Variants in ARHGAP25 observed in about 807,000 individuals in gnomAD.
ARHGAP25 encodes the protein rho GTPase-activating protein 25.
A neutral mutation model predicts 71.0 loss-of-function variants in ARHGAP25; 34 were observed. The ratio of observed to expected loss-of-function variants is 0.48; its 90% CI spans 0.36 to 0.64. The LOEUF is 0.64. ARHGAP25 is among the 30% of genes least tolerant of loss of function. ARHGAP25 has a pLI of 0.00. For synonymous variants in ARHGAP25, 282 were observed against 296.5 expected (o/e 0.95, Z 0.50); for missense variants, 706 against 805.1 (o/e 0.88, Z 1.49).
At chr2:68,750,799 C>T (rs966835290) in intron 1 of ARHGAP25, among the ~76,000 whole-genome samples, 81 of 152,130 alleles carry the variant, frequency 5.3e-4, no homozygotes, top group Middle Eastern at 3.2e-3. Flanking sequence ...GGGTGGAGGC[C>T]GGGCCGGCCC....
intron 4 of ARHGAP25, among the ~76,000 whole-genome samples, chr2:68,792,927 C>T (rs766688418): frequency 4.6e-5 from 7 of 152,016 alleles, no homozygotes; most frequent in Admixed American, 3.3e-4. Context: ...GCATCTTGAC[C>T]GACATCTGTT....
chr2:68,805,878 G>A (rs72903603), intron 4 of ARHGAP25, among the ~76,000 whole-genome samples: 1,725 of 152,296 alleles, frequency 0.011, 34 homozygotes, highest in African/African-American at 0.039. Flanking sequence ...GATTATGGCA[G>A]AGGGAAAGTC....
Position 68,813,434 on chromosome 2 carries a change from G to A in ARHGAP25, c.807+15G>A. 1.2e-6 allele frequency: 2 copies of A among 1,609,746 alleles called. No homozygotes were observed. Among genetic ancestry groups the A allele is most frequent in the East Asian group, 2.2e-5 (1 of 44,682 alleles). On this transcript the variant is annotated intron_variant, in intron 6 of 10. Transcript: ENST00000409202. ...ATGAGGCAAAGGTTTGCATCTTAGA[G>A]TTAGTTGTCCTGCCTTAGAAGAAAG...
rs1410613119 is a variant in ARHGAP25, at chr2:68,782,297, A to G, written c.326A>G (p.Lys109Arg). ...EIATNPEEAG[K>R]FVFEIIPASW... ...GCCACAAACCCAGAAGAAGCTGGGA[A>G]GTTTGTCTTTGAAATCATTCCAGGT... Residue 109 changes from lysine (K) to arginine (R), a missense_variant, in exon 3 of 11, where the codon AAG becomes AGG. By Grantham distance (26) the Lys-to-Arg change is conservative. Coordinates refer to ENST00000409202, the MANE Select transcript of ARHGAP25 (RefSeq NM_001007231.3). The G allele has an allele frequency of 3.1e-6, 5 of 1,614,122 alleles. No homozygotes were observed. The highest frequency in any genetic ancestry group is 3.4e-6 in the Non-Finnish European group (4 of 1,179,986).
chr2:68,808,844 C>T (rs915623408), intron 5 of ARHGAP25, among the ~76,000 whole-genome samples: 1 of 152,266 alleles, frequency 6.6e-6, no homozygotes, highest in African/African-American at 2.4e-5. Flanking sequence ...GCCTTAGGCT[C>T]TAGCCTATGC....
intron 1 of ARHGAP25, among the ~76,000 whole-genome samples, chr2:68,751,270 C>G (rs1053978617): frequency 4.6e-5 from 7 of 152,144 alleles, no homozygotes; most frequent in Non-Finnish European, 8.8e-5. Context: ...GACTCCCAAC[C>G]CAAACCTATT....
chr2:68,762,783 C>G (rs1676907674), intron 1 of ARHGAP25, among the ~76,000 whole-genome samples: 1 of 152,130 alleles, frequency 6.6e-6, no homozygotes, highest in Non-Finnish European at 1.5e-5. Context: ...AAATGTCAAG[C>G]AGAGGCTAGT....
At chr2:68,806,956 T>C (rs1038430239) in intron 4 of ARHGAP25, among the ~76,000 whole-genome samples, 6 of 152,208 alleles carry the variant, frequency 3.9e-5, no homozygotes, top group African/African-American at 7.2e-5. Flanking sequence ...GTGACATTAA[T>C]ACCATCTCAT....
Position 68,816,343 on chromosome 2 carries a change from C to G in ARHGAP25, c.862C>G (p.Leu288Val). Residue 288 changes from leucine (L) to valine (V), a missense_variant, in exon 7 of 11, where the codon CTC becomes GTC. By Grantham distance (32) the Leu-to-Val change is conservative (BLOSUM62 1). Coordinates refer to ENST00000409202, the MANE Select transcript of ARHGAP25 (RefSeq NM_001007231.3). ...LSILPRDNYS[L>V]LSYICRFLHE... ...CATCCTTCCTCGTGACAACTATAGT[C>G]TCCTGAGCTACATCTGCAGGTGAGA... The G allele has an allele frequency of 6.2e-7, 1 of 1,613,696 alleles. No homozygotes were observed. Among genetic ancestry groups the G allele is most frequent in the Non-Finnish European group, 8.5e-7 (1 of 1,179,602 alleles).
chr2:68,805,176 C>G (rs1035867597), intron 4 of ARHGAP25, among the ~76,000 whole-genome samples: 1 of 152,076 alleles, frequency 6.6e-6, no homozygotes, highest in Non-Finnish European at 1.5e-5. Context: ...GGAGACTGTT[C>G]AAGGACATGG....
At chr2:68,735,366 A>C in intron 1 of ARHGAP25, 106 bp downstream of exon 1, 2 of 1,208,942 alleles carry the variant, frequency 1.7e-6, no homozygotes. Flanking sequence ...TGGATCTCGC[A>C]GCAAATCTGA....
At chr2:68,758,135 G>C (rs1349801483) in intron 1 of ARHGAP25, among the ~76,000 whole-genome samples, 1 of 151,964 alleles carries the variant, frequency 6.6e-6, no homozygotes, top group African/African-American at 2.4e-5. Context: ...AAGGAAGAAA[G>C]TTAAATCTTT....
upstream of ARHGAP25, among the ~76,000 whole-genome samples, chr2:68,732,609 T>G (rs528298469): frequency 1.8e-4 from 28 of 152,058 alleles, no homozygotes; most frequent in Middle Eastern, 0.01. Context: ...ACTGGGTGAG[T>G]GTGGTGGATT....
At position 68,776,204 on chromosome 2, in the gene ARHGAP25, A is replaced by G. The variant is rs537767575; in HGVS notation, c.261+784A>G. ...GCACTGTGGTGGGAGCAGAACTAGC[A>G]GGTAGGAATCAGAGGGGATGAGGTC... On this transcript the variant is annotated intron_variant, in intron 2 of 10. Coordinates refer to ENST00000409202, the MANE Select transcript of ARHGAP25 (RefSeq NM_001007231.3). Among the ~76,000 whole-genome samples the G allele has an allele frequency of 5.9e-5, 9 of 152,292 alleles. 1 individual carries two copies. In the South Asian group the frequency reaches 1.0e-3, roughly 18 times the overall value.
intron 2 of ARHGAP25, among the ~76,000 whole-genome samples, chr2:68,715,792 G>T (rs1353364985): frequency 6.6e-6 from 1 of 152,106 alleles, no homozygotes; most frequent in Non-Finnish European, 1.5e-5. Context: ...TAGCAGTGAG[G>T]CACCCGAACA....
At chr2:68,799,574 C>T (rs901215678) in intron 4 of ARHGAP25, among the ~76,000 whole-genome samples, 1 of 152,146 alleles carries the variant, frequency 6.6e-6, no homozygotes, top group Non-Finnish European at 1.5e-5. Context: ...AGGGTTCCCG[C>T]GTGGGATTTT....
intron 1 of ARHGAP25, among the ~76,000 whole-genome samples, chr2:68,738,130 A>T (rs1675313683): frequency 6.6e-6 from 1 of 152,214 alleles, no homozygotes; most frequent in African/African-American, 2.4e-5. Flanking sequence ...CCAAGAGCAC[A>T]CACTTCTTCC....
At chr2:68,772,775 T>C (rs765753766) in intron 1 of ARHGAP25, among the ~76,000 whole-genome samples, 83 of 152,214 alleles carry the variant, frequency 5.5e-4, no homozygotes, top group Admixed American at 2.6e-4. Context: ...GGCTGCTTTT[T>C]AATTACAGAT....
Position 68,777,023 on chromosome 2 carries a change from G to A in ARHGAP25, c.261+1603G>A, listed in dbSNP as rs188503694. Among the ~76,000 whole-genome samples the A allele has an allele frequency of 4.3e-3, 662 of 152,258 alleles. 3 individuals are homozygous for A. Among genetic ancestry groups the A allele is most frequent in the Non-Finnish European group, 5.8e-3 (395 of 68,014 alleles). On this transcript the variant is annotated intron_variant, in intron 2 of 10. Coordinates refer to ENST00000409202, the MANE Select transcript of ARHGAP25 (RefSeq NM_001007231.3). ...TCTGTCACTGCAGAGGCCAGGGAAG[G>A]ATCGCAGGGACCCCACCACAGATGG...
Sources: gnomAD v4.1 joint callset for allele counts (sites outside exome capture counted in the v4.1 genomes callset) on GRCh38, gnomAD v4.1.1 for gene constraint, MANE v1.5 for transcripts, NCBI Gene and HGNC (gene_info 2026-07-23, HGNC 2026-07-21) for gene names.